Variants in A4GNT observed in about 807,000 individuals in gnomAD.
A4GNT encodes alpha-1,4-N-acetylglucosaminyltransferase.
Under a neutral mutation model 8.3 loss-of-function variants are expected in A4GNT, and 6 were observed. The observed-to-expected ratio is 0.72, with a 90% confidence interval of 0.39 to 1.42. The LOEUF (loss-of-function observed/expected upper bound fraction) is 1.42. A4GNT is among the 40% of genes most tolerant of loss of function. A4GNT has a pLI of 0.02. For missense variants in A4GNT, 377 were observed against 417.0 expected (o/e 0.90, Z 0.84); for synonymous variants, 157 against 159.8 (o/e 0.98, Z 0.13).
chr3:138,132,794 C>A (rs905372327), upstream of A4GNT, among the ~76,000 whole-genome samples: 3 of 152,174 alleles, frequency 2.0e-5, no homozygotes, highest in Non-Finnish European at 2.9e-5. Flanking sequence ...GAGAGCCCAT[C>A]ACCACAAATA....
Position 138,124,885 on chromosome 3 carries a change from G to A in A4GNT, c.409-7C>T, listed in dbSNP as rs759278207. Reference sequence around the variant, plus strand: ...TCTCTGCGCTGGCGTTGATCTGCAGGAGCAGGTGCAAATCAGCCCCAAGTA... The same window carrying A: ...TCTCTGCGCTGGCGTTGATCTGCAGAAGCAGGTGCAAATCAGCCCCAAGTA... On this transcript the variant is annotated splice_polypyrimidine_tract_variant and splice_region_variant and intron_variant, in intron 2 of 2. Coordinates refer to ENST00000236709, the MANE Select transcript of A4GNT (RefSeq NM_016161.3). 3.7e-6 allele frequency: 6 copies of A among 1,606,588 alleles called. No homozygotes were observed. Among genetic ancestry groups the A allele is most frequent in the East Asian group, 4.5e-5 (2 of 44,754 alleles).
intron 2 of A4GNT, among the ~76,000 whole-genome samples, chr3:138,129,406 G>A (rs2042763817): frequency 6.6e-6 from 1 of 152,144 alleles, no homozygotes; most frequent in African/African-American, 2.4e-5. Context: ...AGACTGGAGT[G>A]AGGGGCTATT....
intron 2 of A4GNT, among the ~76,000 whole-genome samples, chr3:138,127,689 C>G (rs766354311): frequency 4.6e-5 from 7 of 152,182 alleles, no homozygotes; most frequent in African/African-American, 1.7e-4. Context: ...GCCCATAATT[C>G]TCATTCCTGG....
intron 2 of A4GNT, among the ~76,000 whole-genome samples, chr3:138,128,969 G>A (rs763433237): frequency 6.6e-6 from 1 of 152,128 alleles, no homozygotes; most frequent in Non-Finnish European, 1.5e-5. Context: ...ACTTTGGGAT[G>A]TAGAAGTCAC....
chr3:138,130,733 G>T, intron 2 of A4GNT, 116 bp downstream of exon 2: 1 of 1,107,162 alleles, frequency 9.0e-7, no homozygotes, highest in Non-Finnish European at 1.3e-6. Flanking sequence ...TAAAAAGAGG[G>T]CCAAATGAGA....
At chr3:138,132,872 AG>A (rs2042786249), upstream of A4GNT, among the ~76,000 whole-genome samples, 1 of 152,238 alleles carries the variant, frequency 6.6e-6, no homozygotes, top group Non-Finnish European at 1.5e-5. Flanking sequence ...CCCCAGTGTC[AG>A]TCACAGTGGC....
Position 138,124,056 on chromosome 3 carries a change from C to G in A4GNT, c.*208G>C. 1 of 603,800 alleles carries G rather than the reference C, an allele frequency of 1.7e-6. No homozygotes were observed. Among genetic ancestry groups the G allele is most frequent in the Non-Finnish European group, 2.7e-6 (1 of 369,056 alleles). 37.4% of individuals were successfully genotyped at this position (603,800 alleles called of 1,614,324 possible). A position where few individuals can be genotyped will look rare whatever the true frequency, so the allele number is the denominator to read the frequency against. On this transcript the variant is annotated 3_prime_UTR_variant, in exon 3 of 3. Coordinates refer to ENST00000236709, the MANE Select transcript of A4GNT (RefSeq NM_016161.3). ...AATGCAAACATGGTGGGTTGGAGGT[C>G]AAGCAGTCAAATGGACCATGGGTGT...
chr3:138,131,581 A>C (rs2042777199), intron 1 of A4GNT, among the ~76,000 whole-genome samples: 2 of 152,162 alleles, frequency 1.3e-5, no homozygotes, highest in Non-Finnish European at 2.9e-5. Flanking sequence ...AAGAAAAAGA[A>C]AAAGACAAGA....
rs1016010634 is a variant in A4GNT, at chr3:138,124,680, A to T, written c.607T>A (p.Phe203Ile). ...AAGTTTTCCATGCATTCCCACAAAA[A>T]GGGGTGGTGGGGGAGGAACCCAAAT... ...GIFGFLPHHP[F>I]LWECMENFVE... Residue 203 changes from phenylalanine (F) to isoleucine (I), a missense_variant, in exon 3 of 3, where the codon TTT becomes ATT. By Grantham distance (21) the Phe-to-Ile change is conservative. Coordinates refer to ENST00000236709, the MANE Select transcript of A4GNT (RefSeq NM_016161.3). The T allele has an allele frequency of 6.2e-7, 1 of 1,614,120 alleles. No individual in the cohort carries two copies. The highest frequency in any genetic ancestry group is 1.3e-5 in the African/African-American group (1 of 74,942).
Position 138,131,043 on chromosome 3 carries a change from C to A in A4GNT, c.214G>T (p.Glu72Ter). 6.2e-7 allele frequency: 1 copy of A among 1,614,092 alleles called. No individual in the cohort carries two copies. The highest frequency in any genetic ancestry group is 1.1e-5 in the South Asian group (1 of 91,074). The change falls in exon 2 of 3, where the codon GAG becomes TAG. Residue 72 changes from glutamate (E) to a stop codon, truncating the protein, a stop_gained. Coordinates refer to ENST00000236709, the MANE Select transcript of A4GNT (RefSeq NM_016161.3). LOFTEE classifies it high-confidence loss of function. ...TCAGGATAAATCTTGGCAGCAGACT[C>A]TACGGAACAGGAGACCAAATGGGGT... Reference protein sequence around the residue: ...EPPHLVSCSVESAAKIYPEWP... With the variant: ...EPPHLVSCSV
Position 138,130,889 on chromosome 3 carries a change from C to A in A4GNT, c.368G>T (p.Arg123Met), listed in dbSNP as rs368582032. The change falls in exon 2 of 3, where the codon AGG (arginine) becomes ATG (methionine). Residue 123 changes from arginine (R) to methionine (M), a missense_variant. By Grantham distance (91) the Arg-to-Met change is moderately conservative. Transcript: ENST00000236709. The stretch of plus-strand genomic sequence containing the variant: ...AAACAATGGTGTGTCTTCAAGCAGC[C>A]TTTTCATATCCAAAGGGAAGAGGAA... ...NVFLFPLDMK[R>M]LLEDTPLFSW... is the part of the protein sequence containing the mutation. 1 of 1,614,094 alleles carries A rather than the reference C, an allele frequency of 6.2e-7. No homozygotes were observed.
chr3:138,129,136 T>A (rs1460447174), intron 2 of A4GNT, among the ~76,000 whole-genome samples: 1 of 152,040 alleles, frequency 6.6e-6, no homozygotes, highest in Non-Finnish European at 1.5e-5. Flanking sequence ...CCCAGGACAG[T>A]CCACCCAGTT....
At chr3:138,129,865 A>G (rs756705900) in intron 2 of A4GNT, among the ~76,000 whole-genome samples, 5 of 152,204 alleles carry the variant, frequency 3.3e-5, no homozygotes, top group Non-Finnish European at 7.3e-5. Flanking sequence ...CCTGGGCTCC[A>G]GCGATCCTCC....
In A4GNT at chr3:138,130,836, C is replaced by G; in HGVS notation, c.408+13G>C. On this transcript the variant is annotated intron_variant, in intron 2 of 2. Transcript: ENST00000236709. ...ACAATTCGTTGACATTTTAAGTTTC[C>G]CTAAACACTTACTTGATTGTACCAT... 1 of 1,611,378 alleles carries G rather than the reference C, an allele frequency of 6.2e-7. No homozygotes were observed.
rs2042773816 is a variant in A4GNT at position 138,131,081 on chromosome 3, T to G, written c.176A>C (p.Glu59Ala). Residue 59 changes from glutamate (E) to alanine (A), a missense_variant, in exon 2 of 3, where the codon GAG becomes GCG. Physicochemically the swap from Glu to Ala is moderately radical, Grantham distance 107 (BLOSUM62 -1). Transcript: ENST00000236709. ...RRGIVFLETS[E>A]RMEPPHLVSC... ...GACCAAATGGGGTGGCTCCATTCTC[T>G]CTGAGGTCTCTAGAAACACAATGCC... 2 of 1,613,588 alleles carry G rather than the reference T, an allele frequency of 1.2e-6. No individual in the cohort carries two copies. Among genetic ancestry groups the G allele is most frequent in the Non-Finnish European group, 8.5e-7 (1 of 1,179,600 alleles).
chr3:138,127,266 A>C (rs950810635), intron 2 of A4GNT, among the ~76,000 whole-genome samples: 2 of 151,692 alleles, frequency 1.3e-5, no homozygotes, highest in African/African-American at 4.8e-5. Context: ...GATCATTCCT[A>C]TTTTTTAAGT....
chr3:138,127,784 A>T (rs2042754777), intron 2 of A4GNT, among the ~76,000 whole-genome samples: 1 of 152,128 alleles, frequency 6.6e-6, no homozygotes, highest in African/African-American at 2.4e-5. Flanking sequence ...ATCTTTCCTA[A>T]CAGGTGGTTC....
rs1358205845 is a variant in A4GNT, at chr3:138,124,315, A to G, written c.972T>C (p.Ile324=). Reference sequence around the variant, plus strand: ...CAGTCACTGACCCCTCTGGGCCTTTAATCAGGTCCCTGTAAGTCCTGGGAC... The same window carrying G: ...CAGTCACTGACCCCTCTGGGCCTTTGATCAGGTCCCTGTAAGTCCTGGGAC... ...KHCPRTYRDL[I]KGPEGSVTGE... is the part of the protein sequence containing the mutation. Residue 324 remains isoleucine, a synonymous_variant, in exon 3 of 3, where the codon ATT becomes ATC. Coordinates refer to ENST00000236709, the MANE Select transcript of A4GNT (RefSeq NM_016161.3). The G allele has an allele frequency of 1.2e-6, 2 of 1,614,088 alleles. No homozygotes were observed. Among genetic ancestry groups the G allele is most frequent in the Non-Finnish European group, 8.5e-7 (1 of 1,180,048 alleles).
chr3:138,128,601 C>T (rs1020376595), intron 2 of A4GNT, among the ~76,000 whole-genome samples: 5 of 152,156 alleles, frequency 3.3e-5, no homozygotes, highest in African/African-American at 4.8e-5. Context: ...CCAGGCCCCA[C>T]CTCCAACAAT....
Sources: allele counts gnomAD v4.1 joint callset (sites outside exome capture counted in the v4.1 genomes callset), GRCh38; gene constraint gnomAD v4.1.1; transcripts MANE v1.5; gene names NCBI Gene and HGNC (gene_info 2026-07-23, HGNC 2026-07-21).